The following FAIM2 variants were observed in gnomAD, a reference collection of about 807,000 sequenced individuals.
FAIM2 encodes the protein protein lifeguard 2.
FAIM2 carries 27 observed loss-of-function variants against 47.4 expected under a neutral mutation model. The observed-to-expected ratio is 0.57, with a 90% CI of 0.42 to 0.78. The LOEUF (loss-of-function observed/expected upper bound fraction) is 0.78. Ranked by LOEUF, FAIM2 falls within the 30% of genes least tolerant of loss-of-function variation. The pLI is 0.00. For synonymous variants in FAIM2, 156 were observed against 159.3 expected, an observed-to-expected ratio of 0.98 and a Z score of 0.16; for missense variants, 311 against 389.4, an observed-to-expected ratio of 0.80 and a Z score of 1.69.
chr12:49,880,720 GTA>G (rs547017586), intron 11 of FAIM2, among the ~76,000 whole-genome samples: 8 of 66,164 alleles, frequency 1.2e-4, no homozygotes, highest in Non-Finnish European at 2.2e-4. Flanking sequence ...GTACATGCGT[GTA>G]TATGTGTGTG....
chr12:49,878,120 ATG>A (rs1358353684), intron 11 of FAIM2, among the ~76,000 whole-genome samples: 1 of 114,162 alleles, frequency 8.8e-6, no homozygotes, highest in Non-Finnish European at 1.8e-5. Flanking sequence ...GTATGTGGGT[ATG>A]TGTGCATGTG....
chr12:49,884,203 G>A (rs377552615), intron 11 of FAIM2, among the ~76,000 whole-genome samples: 2 of 147,522 alleles, frequency 1.4e-5, no homozygotes, highest in African/African-American at 5.1e-5. Flanking sequence ...CAGCCTGGGC[G>A]ACACAGCCAG....
chr12:49,897,140 C>T (rs530792591), intron 4 of FAIM2, 56 bp from the exon 5 acceptor site: 2 of 1,399,526 alleles, frequency 1.4e-6, no homozygotes, highest in Non-Finnish European at 1.0e-6. Flanking sequence ...GTCTCCATTT[C>T]TGGTTCAGCA....
intron 11 of FAIM2, among the ~76,000 whole-genome samples, chr12:49,881,542 G>C (rs1213483619): frequency 3.9e-5 from 6 of 152,002 alleles, no homozygotes; most frequent in Non-Finnish European, 8.8e-5. Context: ...GCTGCGGCTA[G>C]AAGCCAGCTG....
Position 49,877,340 on chromosome 12 carries a change from G to A in FAIM2, c.802-6687C>T, listed in dbSNP as rs138764686. ...CCCACCCCAGCCCAGAGGAACCCAC[G>A]CCACTTCCAGGTTGTCTGGGTGGGG... On this transcript the variant is annotated intron_variant, in intron 11 of 11. Coordinates refer to ENST00000320634, the MANE Select transcript of FAIM2 (RefSeq NM_012306.4). Among the ~76,000 whole-genome samples the A allele has an allele frequency of 2.6e-3, 400 of 152,320 alleles. 2 individuals are homozygous for A. The highest frequency in any genetic ancestry group is 9.2e-3 in the African/African-American group (384 of 41,568).
chr12:49,873,970 G>C (rs1320272733), intron 11 of FAIM2, among the ~76,000 whole-genome samples: 3 of 152,236 alleles, frequency 2.0e-5, no homozygotes, highest in Non-Finnish European at 2.9e-5. Flanking sequence ...GATTCTGCAT[G>C]GCAGTGCATT....
intron 5 of FAIM2, among the ~76,000 whole-genome samples, chr12:49,895,364 C>A (rs1242808144): frequency 6.6e-6 from 1 of 152,096 alleles, no homozygotes; most frequent in Non-Finnish European, 1.5e-5. Flanking sequence ...GCCTCCACCT[C>A]CCGGGCCTAC....
intron 5 of FAIM2, among the ~76,000 whole-genome samples, chr12:49,892,124 G>A (rs1028051095): frequency 6.6e-6 from 1 of 152,016 alleles, no homozygotes; most frequent in South Asian, 2.1e-4. Context: ...TTCCCGCACA[G>A]TCTGCCTCCG....
Position 49,879,199 on chromosome 12 carries a change from T to C in FAIM2, c.801+8187A>G, listed in dbSNP as rs189047857. On this transcript the variant is annotated intron_variant, in intron 11 of 11. Transcript: ENST00000320634. ...GAGTGCATGTGTATGCATGTGTATG[T>C]ATGTGTATGAGTGTGTATGTGCATG... 2.7e-3 allele frequency among the ~76,000 whole-genome samples: 327 copies of C among 121,272 alleles called. 52 individuals carry two copies. In the South Asian group the frequency reaches 0.028, roughly 10 times the overall value. 79.6% of individuals were successfully genotyped at this position (121,272 alleles called of 152,430 possible). A position where few individuals can be genotyped will look rare whatever the true frequency, so the allele number is the denominator to read the frequency against.
intron 5 of FAIM2, among the ~76,000 whole-genome samples, chr12:49,893,830 C>T (rs890249864): frequency 2.0e-5 from 3 of 152,212 alleles, no homozygotes; most frequent in Non-Finnish European, 4.4e-5. Flanking sequence ...AACCTGCCCT[C>T]TTTCAGTCTC....
At chr12:49,894,474 G>C (rs1471552709) in intron 5 of FAIM2, among the ~76,000 whole-genome samples, 1 of 152,188 alleles carries the variant, frequency 6.6e-6, no homozygotes. Flanking sequence ...CTGGGCTGTG[G>C]GTGGGGGAGG....
At chr12:49,875,323 C>T (rs988999805) in intron 11 of FAIM2, among the ~76,000 whole-genome samples, 16 of 152,088 alleles carry the variant, frequency 1.1e-4, no homozygotes, top group Admixed American at 4.6e-4. Context: ...GCCCGCATCA[C>T]CCAGCCCAGG....
chr12:49,879,192 GTGTA>G lies in FAIM2; in HGVS notation c.801+8190_801+8193del, dbSNP rs777965897. ...TGTGCATGAGTGCATGTGTATGCAT[GTGTA>G]TGTATGTGTATGAGTGTGTATGTGC... On this transcript the variant is annotated intron_variant, in intron 11 of 11. Transcript: ENST00000320634. Among the ~76,000 whole-genome samples the G allele has an allele frequency of 1.6e-3, 201 of 122,438 alleles. 29 individuals are homozygous for G. Among genetic ancestry groups the G allele is most frequent in the South Asian group, 7.3e-3 (24 of 3,292 alleles). The allele number at this position is 122,438 out of a possible 152,430, so 80.3% of individuals were successfully genotyped here.
At chr12:49,876,770 T>TA (rs1326619753) in intron 11 of FAIM2, among the ~76,000 whole-genome samples, 58 of 146,738 alleles carry the variant, frequency 4.0e-4, no homozygotes, top group South Asian at 1.5e-3. Context: ...AGACTCCATT[T>TA]AAAAAAAAAA....
rs184966499 is a variant in FAIM2 at position 49,875,635 on chromosome 12, G to A, written c.802-4982C>T. ...AAAAGCCTGGCCCAGGATGAAAGGG[G>A]GGTAGTGTATGAAAGTGTATTAATG... On this transcript the variant is annotated intron_variant, in intron 11 of 11. Coordinates refer to ENST00000320634, the MANE Select transcript of FAIM2 (RefSeq NM_012306.4). Among the ~76,000 whole-genome samples the A allele has an allele frequency of 3.3e-5, 5 of 152,250 alleles. No homozygotes were observed. In the East Asian group the frequency reaches 9.6e-4, roughly 29 times the overall value.
At chr12:49,891,030 T>C (rs1456484477) in intron 6 of FAIM2, 34 bp downstream of exon 6, 10 of 1,607,618 alleles carry the variant, frequency 6.2e-6, no homozygotes, top group Non-Finnish European at 8.5e-6. Flanking sequence ...CCTGCTCATA[T>C]TCCCACAAGT....
At chr12:49,879,325 C>CGT (rs1286303609) in intron 11 of FAIM2, among the ~76,000 whole-genome samples, 2 of 45,318 alleles carry the variant, frequency 4.4e-5, no homozygotes, top group Non-Finnish European at 7.5e-5. Flanking sequence ...TGTATATGTG[C>CGT]GTGTGTATGT....
At chr12:49,879,804 G>A (rs1565614360) in intron 11 of FAIM2, among the ~76,000 whole-genome samples, 3 of 151,098 alleles carry the variant, frequency 2.0e-5, no homozygotes, top group East Asian at 2.0e-4. Context: ...GTGTGCATAC[G>A]ACTGTGTATG....
chr12:49,902,875 T>A (rs1946990900), intron 1 of FAIM2: 1 of 152,004 alleles, frequency 6.6e-6, no homozygotes, highest in Admixed American at 6.6e-5. Context: ...TATCACCCAG[T>A]GACATCATTT....
Sources: allele counts gnomAD v4.1 joint callset (sites outside exome capture counted in the v4.1 genomes callset), GRCh38; gene constraint gnomAD v4.1.1; transcripts MANE v1.5; gene names NCBI Gene and HGNC (gene_info 2026-07-23, HGNC 2026-07-21).